NELL2: variants seen among roughly 807,000 people sequenced by gnomAD.
NELL2 encodes the protein protein kinase C-binding protein NELL2.
In NELL2, 41 loss-of-function variants were observed where a neutral mutation model predicts 109.6. That is an observed-to-expected ratio of 0.37 (90% CI 0.29 to 0.49). The LOEUF is 0.49. Ranked by LOEUF, NELL2 falls within the 20% of genes least tolerant of loss-of-function variation. The probability of loss-of-function intolerance (pLI) is 0.98; values close to 1 mark genes in which losing one functional copy is unlikely to be tolerated. For missense variants in NELL2, 900 were observed against 1,008.3 expected (o/e 0.89, Z 1.45); for synonymous variants, 355 against 344.7 (o/e 1.03, Z -0.33).
chr12:44,849,245 A>C (rs926484958), intron 2 of NELL2, among the ~76,000 whole-genome samples: 24 of 152,240 alleles, frequency 1.6e-4, no homozygotes, highest in Non-Finnish European at 2.6e-4. Flanking sequence ...CATGAAGAAA[A>C]TAGACAAGCC....
intron 9 of NELL2, among the ~76,000 whole-genome samples, chr12:44,722,578 A>G (rs1376801534): frequency 6.6e-6 from 1 of 152,242 alleles, no homozygotes; most frequent in Non-Finnish European, 1.5e-5. Flanking sequence ...GTAACTAAAT[A>G]TAACTCAGAG....
chr12:44,872,548 G>A (rs1293864420), intron 2 of NELL2, among the ~76,000 whole-genome samples: 8 of 152,030 alleles, frequency 5.3e-5, no homozygotes, highest in African/African-American at 1.9e-4. Context: ...ATCCACTAAG[G>A]AGAAAAACTG....
At chr12:44,724,499 T>C (rs1938961318) in intron 9 of NELL2, among the ~76,000 whole-genome samples, 1 of 151,910 alleles carries the variant, frequency 6.6e-6, no homozygotes, top group Non-Finnish European at 1.5e-5. Flanking sequence ...GGCAATCCCA[T>C]TCACAATTGC....
intron 13 of NELL2, among the ~76,000 whole-genome samples, chr12:44,641,924 T>C (rs759952780): frequency 5.3e-5 from 8 of 152,074 alleles, no homozygotes; most frequent in Non-Finnish European, 7.4e-5. Context: ...CTTGAACTCC[T>C]GAGCTCAGGC....
intron 15 of NELL2, among the ~76,000 whole-genome samples, chr12:44,586,809 A>AT (rs1944524428): frequency 6.6e-6 from 1 of 152,220 alleles, no homozygotes; most frequent in African/African-American, 2.4e-5. Flanking sequence ...AATAGACTCT[A>AT]CAAGGGCAAC....
chr12:44,761,841 A>G (rs1159869717), intron 9 of NELL2, among the ~76,000 whole-genome samples: 1 of 152,178 alleles, frequency 6.6e-6, no homozygotes, highest in Non-Finnish European at 1.5e-5. Flanking sequence ...GTACACATGG[A>G]CGTACAAAAG....
intron 1 of NELL2, among the ~76,000 whole-genome samples, chr12:44,906,640 G>C (rs1592715621): frequency 6.6e-6 from 1 of 152,020 alleles, no homozygotes; most frequent in East Asian, 1.9e-4. Context: ...AGAACTCAAA[G>C]GTTTTTTACC....
intron 13 of NELL2, among the ~76,000 whole-genome samples, chr12:44,622,368 T>C (rs1387168233): frequency 6.6e-6 from 1 of 152,132 alleles, no homozygotes; most frequent in African/African-American, 2.4e-5. Flanking sequence ...TTGACATTTA[T>C]TTCAAAGAAA....
chr12:44,668,665 C>T (rs1483918954), intron 12 of NELL2, among the ~76,000 whole-genome samples: 1 of 152,116 alleles, frequency 6.6e-6, no homozygotes, highest in African/African-American at 2.4e-5. Context: ...CACTGGAATA[C>T]ACGCACACTA....
intron 12 of NELL2, among the ~76,000 whole-genome samples, chr12:44,685,659 T>C (rs1948689812): frequency 6.6e-6 from 1 of 152,176 alleles, no homozygotes; most frequent in South Asian, 2.1e-4. Flanking sequence ...GGATTTTATT[T>C]CTCCTTCACT....
intron 13 of NELL2, among the ~76,000 whole-genome samples, chr12:44,629,578 A>T (rs969021815): frequency 6.6e-6 from 1 of 152,174 alleles, no homozygotes; most frequent in African/African-American, 2.4e-5. Flanking sequence ...GATAGACTCC[A>T]TATTTCAGAG....
At chr12:44,840,079 A>G (rs1490878563) in intron 2 of NELL2, among the ~76,000 whole-genome samples, 1 of 152,140 alleles carries the variant, frequency 6.6e-6, no homozygotes, top group Admixed American at 6.5e-5. Context: ...TGAACTCCCC[A>G]TATTTTTGCA....
In NELL2 at chr12:44,519,933, G is replaced by A. The variant is rs1941452743; in HGVS notation, c.2400+72C>T. On this transcript the variant is annotated intron_variant, in intron 19 of 19. Coordinates refer to ENST00000429094, the MANE Select transcript of NELL2 (RefSeq NM_001145108.2). ...AAAAAACCTTCCTATTGTCCAGGTA[G>A]AGCACATTATTATCTATGAGCCCTG... is the stretch of plus-strand genomic sequence containing the variant. 2.3e-6 allele frequency: 3 copies of A among 1,300,442 alleles called. No homozygotes were observed. In the South Asian group the frequency reaches 3.6e-5, roughly 16 times the overall value. 80.6% of individuals were successfully genotyped at this position (1,300,442 alleles called of 1,614,324 possible). A position where few individuals can be genotyped will look rare whatever the true frequency, so the allele number is the denominator to read the frequency against.
intron 13 of NELL2, among the ~76,000 whole-genome samples, chr12:44,642,977 C>G (rs1033749463): frequency 6.6e-6 from 1 of 152,180 alleles, no homozygotes; most frequent in African/African-American, 2.4e-5. Context: ...GATACATACC[C>G]TTCCACACAT....
rs146607425 is a variant in NELL2, at chr12:44,569,256, A to C, written c.1664-36535T>G. Among the ~76,000 whole-genome samples, 202 of 152,206 alleles carry C rather than the reference A, an allele frequency of 1.3e-3. 1 individual carries two copies. The highest frequency in any genetic ancestry group is 4.5e-3 in the African/African-American group (189 of 41,554). Reference sequence around the variant, plus strand: ...GCATAGTGTTCTATAATATATATGTACCACATTTTCCTTATGCAGTCTACC... The same window carrying C: ...GCATAGTGTTCTATAATATATATGTCCCACATTTTCCTTATGCAGTCTACC... On this transcript the variant is annotated intron_variant, in intron 15 of 19. Transcript: ENST00000429094.
intron 9 of NELL2, among the ~76,000 whole-genome samples, chr12:44,725,953 A>AT (rs1282808858): frequency 6.6e-6 from 1 of 152,158 alleles, no homozygotes; most frequent in Non-Finnish European, 1.5e-5. Flanking sequence ...CCCCAGTGAC[A>AT]TATGTTTACC....
intron 13 of NELL2, among the ~76,000 whole-genome samples, chr12:44,651,754 G>A (rs1850406): frequency 0.45 from 67,969 of 151,824 alleles, 15,502 homozygotes; most frequent in East Asian, 0.7. Flanking sequence ...AGCCAAAAAT[G>A]CTCCAATTTG....
intron 2 of NELL2, among the ~76,000 whole-genome samples, chr12:44,854,964 G>A (rs1029030682): frequency 6.6e-6 from 1 of 152,022 alleles, no homozygotes. Context: ...TACATTCCTA[G>A]TAGCCACCTT....
At chr12:44,889,718 T>C (rs765703016) in intron 1 of NELL2, among the ~76,000 whole-genome samples, 6 of 152,326 alleles carry the variant, frequency 3.9e-5, no homozygotes, top group Admixed American at 1.3e-4. Context: ...ACAATAAATA[T>C]AGCAGTCATT....
Sources: allele counts gnomAD v4.1 joint callset (sites outside exome capture counted in the v4.1 genomes callset), GRCh38; gene constraint gnomAD v4.1.1; transcripts MANE v1.5; gene names NCBI Gene and HGNC (gene_info 2026-07-23, HGNC 2026-07-21).